Variants in DGKB observed in about 807,000 individuals in gnomAD.
DGKB encodes the protein 90 kDa diacylglycerol kinase.
In DGKB, 67 loss-of-function variants were observed where a neutral mutation model predicts 114.3. The ratio of observed to expected loss-of-function variants is 0.59; its 90% CI spans 0.48 to 0.72. The LOEUF is 0.72. Among genes scored for constraint, DGKB ranks in the 30% least tolerant of loss-of-function variants. The pLI is 0.00. For synonymous variants in DGKB, 398 were observed against 323.1 expected (o/e 1.23, Z -2.49); for missense variants, 907 against 975.2 (o/e 0.93, Z 0.93).
chr7:14,556,463 C>A (rs1023338279), intron 20 of DGKB, among the ~76,000 whole-genome samples: 1 of 151,910 alleles, frequency 6.6e-6, no homozygotes, highest in African/African-American at 2.4e-5. Context: ...TAAATTAGTT[C>A]ACTTTTAAAA....
At chr7:14,261,577 G>A (rs1664862826) in intron 23 of DGKB, among the ~76,000 whole-genome samples, 1 of 152,018 alleles carries the variant, frequency 6.6e-6, no homozygotes, top group Non-Finnish European at 1.5e-5. Context: ...GGAAAAACTA[G>A]ATATTATATT....
At chr7:14,461,940 G>C (rs1473102774) in intron 21 of DGKB, among the ~76,000 whole-genome samples, 2 of 152,146 alleles carry the variant, frequency 1.3e-5, no homozygotes, top group African/African-American at 2.4e-5. Flanking sequence ...GGGATGCAAG[G>C]CTGGTTCAAC....
intron 21 of DGKB, among the ~76,000 whole-genome samples, chr7:14,442,481 C>T (rs1390937319): frequency 6.6e-6 from 1 of 152,074 alleles, no homozygotes; most frequent in Non-Finnish European, 1.5e-5. Context: ...GGTTTTTATT[C>T]TATAACTTTA....
intron 21 of DGKB, among the ~76,000 whole-genome samples, chr7:14,372,329 G>A (rs564815421): frequency 6.6e-6 from 1 of 152,114 alleles, no homozygotes; most frequent in Non-Finnish European, 1.5e-5. Context: ...AGCTCACATA[G>A]TTGATCTTTA....
At chr7:14,408,422 G>C (rs1824307698) in intron 21 of DGKB, among the ~76,000 whole-genome samples, 1 of 152,054 alleles carries the variant, frequency 6.6e-6, no homozygotes, top group Non-Finnish European at 1.5e-5. Flanking sequence ...AATACAGAAG[G>C]CTTGTAAGAC....
chr7:14,724,224 A>G (rs1161837125), intron 5 of DGKB, among the ~76,000 whole-genome samples: 2 of 152,180 alleles, frequency 1.3e-5, no homozygotes, highest in Non-Finnish European at 2.9e-5. Flanking sequence ...TCCAACATCC[A>G]TACTATTGGT....
At chr7:14,359,710 T>G (rs1167384070) in intron 21 of DGKB, among the ~76,000 whole-genome samples, 5 of 152,126 alleles carry the variant, frequency 3.3e-5, no homozygotes, top group Admixed American at 1.3e-4. Context: ...AACAGACACA[T>G]GAAAAAATGC....
chr7:14,784,559 G>C (rs986064443), intron 2 of DGKB, among the ~76,000 whole-genome samples: 2 of 151,824 alleles, frequency 1.3e-5, no homozygotes, highest in African/African-American at 4.8e-5. Context: ...TTTTAGTAGA[G>C]ATGTGGTTTT....
At chr7:14,796,435 C>G (rs750465019) in intron 2 of DGKB, among the ~76,000 whole-genome samples, 1 of 152,182 alleles carries the variant, frequency 6.6e-6, no homozygotes, top group African/African-American at 2.4e-5. Context: ...AGCTGCAGAC[C>G]AGACCAAAGC....
chr7:14,944,693 G>C (rs201295360), intron 1 of DGKB, among the ~76,000 whole-genome samples: 2 of 98,756 alleles, frequency 2.0e-5, no homozygotes, highest in African/African-American at 1.1e-4. Context: ...GTGTGAGGAA[G>C]TTGCTACTCA....
intron 2 of DGKB, among the ~76,000 whole-genome samples, chr7:14,809,875 A>G (rs1586658344): frequency 6.6e-6 from 1 of 152,160 alleles, no homozygotes; most frequent in East Asian, 1.9e-4. Flanking sequence ...AGCATCCCCT[A>G]GCAATTTTTA....
At chr7:14,620,775 C>T (rs995207130) in intron 15 of DGKB, among the ~76,000 whole-genome samples, 7 of 151,438 alleles carry the variant, frequency 4.6e-5, no homozygotes, top group Admixed American at 6.6e-5. Flanking sequence ...ATGCCACAGG[C>T]GGTAAAGATA....
At chr7:14,702,204 T>C (rs891840082) in intron 6 of DGKB, among the ~76,000 whole-genome samples, 1 of 152,132 alleles carries the variant, frequency 6.6e-6, no homozygotes, top group Non-Finnish European at 1.5e-5. Flanking sequence ...CATTCTACCA[T>C]AACACATATT....
chr7:14,792,664 G>A (rs923922404), intron 2 of DGKB, among the ~76,000 whole-genome samples: 1 of 152,140 alleles, frequency 6.6e-6, no homozygotes, highest in Non-Finnish European at 1.5e-5. Flanking sequence ...AAAGTTTGAA[G>A]ATTATTTTGC....
In DGKB at chr7:14,494,889, A is replaced by G. The variant is rs578005711; in HGVS notation, c.1771-16664T>C. Among the ~76,000 whole-genome samples the G allele has an allele frequency of 5.9e-5, 9 of 151,966 alleles. No individual in the cohort carries two copies. The East Asian group carries it at 1.4e-3, about 23-fold the overall frequency. ...CTAGTCCTACTAATATATACAATCC[A>G]CGTGGATCTGCATGTTATATGGCTT... On this transcript the variant is annotated intron_variant, in intron 20 of 25. Coordinates refer to ENST00000402815, the MANE Select transcript of DGKB (RefSeq NM_001350709.2).
At chr7:14,796,906 A>C (rs1232197528) in intron 2 of DGKB, among the ~76,000 whole-genome samples, 1 of 152,100 alleles carries the variant, frequency 6.6e-6, no homozygotes, top group Non-Finnish European at 1.5e-5. Context: ...CTCCTTTGAC[A>C]TCTTTTTGTT....
chr7:14,649,840 G>T (rs1814030871), intron 13 of DGKB, among the ~76,000 whole-genome samples: 1 of 141,356 alleles, frequency 7.1e-6, no homozygotes, highest in South Asian at 2.4e-4. Context: ...GGCAGGGGTT[G>T]CAATCCTAGT....
In DGKB at chr7:14,162,743, A is replaced by G. The variant is rs150385843; in HGVS notation, c.2305-13505T>C. On this transcript the variant is annotated intron_variant, in intron 25 of 25. Coordinates refer to ENST00000402815, the MANE Select transcript of DGKB (RefSeq NM_001350709.2). ...GAAGAGTGACAAAAATGTAAGTTTA[A>G]TTGTAAACATAACATTTGGGATGGA... Among the ~76,000 whole-genome samples the G allele has an allele frequency of 2.6e-5, 4 of 152,340 alleles. No homozygotes were observed. The East Asian group carries it at 7.7e-4, about 29-fold the overall frequency.
chr7:14,347,241 A>G (rs1454537790), intron 21 of DGKB, among the ~76,000 whole-genome samples: 4 of 152,020 alleles, frequency 2.6e-5, no homozygotes, highest in Non-Finnish European at 4.4e-5. Context: ...CCACAATTAG[A>G]TATCACCTCC....
Sources: allele counts gnomAD v4.1 joint callset (sites outside exome capture counted in the v4.1 genomes callset), GRCh38; gene constraint gnomAD v4.1.1; transcripts MANE v1.5; gene names NCBI Gene and HGNC (gene_info 2026-07-23, HGNC 2026-07-21).